The following USP34 variants were observed in gnomAD, a reference collection of about 807,000 sequenced individuals.
USP34 encodes the protein ubiquitin specific peptidase 34.
In USP34, 70 loss-of-function variants were observed where a neutral mutation model predicts 460.3. That is an observed-to-expected ratio of 0.15 (90% CI 0.13 to 0.19). USP34 has a LOEUF of 0.19. Ranked by LOEUF, USP34 falls within the 10% of genes least tolerant of loss-of-function variation. The pLI is 1.00. For missense variants in USP34, 3,985 were observed against 4,236.2 expected (o/e 0.94, Z 1.65); for synonymous variants, 1,647 against 1,405.3 (o/e 1.17, Z -3.85).
At chr2:61,360,419 A>G (rs1345811225) in intron 10 of USP34, among the ~76,000 whole-genome samples, 3 of 152,204 alleles carry the variant, frequency 2.0e-5, no homozygotes, top group Non-Finnish European at 4.4e-5. Context: ...CTGAAAACGC[A>G]ATTAAGAAAA....
Position 61,256,389 on chromosome 2 carries a change from T to A in USP34, c.6216A>T (p.Glu2072Asp), listed in dbSNP as rs773114270. 1.7e-5 allele frequency: 28 copies of A among 1,611,316 alleles called. No individual in the cohort carries two copies. The highest frequency in any genetic ancestry group is 2.4e-5 in the Non-Finnish European group (28 of 1,178,400). ...TCACATTTGAAAAAGCATACCTTTTTTCAGCTCGTACTTTCTTCCCACAAT... is the reference window on the plus strand; with the variant it reads ...TCACATTTGAAAAAGCATACCTTTTATCAGCTCGTACTTTCTTCCCACAAT... ...CSHCGKKVRA[E>D]KRACFKKLPR... The change falls in exon 48 of 80, where the codon GAA becomes GAT. Residue 2072 changes from glutamate (E) to aspartate (D), a missense_variant. By Grantham distance (45) the Glu-to-Asp change is conservative. This residue lies in a region of USP34 where 145 missense variants were observed against 291.6 expected (regional missense o/e 0.50). Coordinates refer to ENST00000398571, the MANE Select transcript of USP34 (RefSeq NM_014709.4).
chr2:61,277,968 C>T (rs971422008), intron 41 of USP34, 197 bp downstream of exon 41: 30 of 644,026 alleles, frequency 4.7e-5, no homozygotes, highest in Non-Finnish European at 7.0e-5. Context: ...CGGACTTGCC[C>T]GGACTTGCCT....
chr2:61,375,768 CAAAAA>C (rs56304309), intron 8 of USP34, among the ~76,000 whole-genome samples: 39 of 80,872 alleles, frequency 4.8e-4, no homozygotes, highest in Middle Eastern at 8.1e-3. Flanking sequence ...GACTCTGTCT[CAAAAA>C]AAAAAAAAAA....
At chr2:61,344,232 C>A (rs1691692555) in intron 15 of USP34, among the ~76,000 whole-genome samples, 2 of 152,134 alleles carry the variant, frequency 1.3e-5, no homozygotes, top group South Asian at 4.1e-4. Flanking sequence ...AATATACAGT[C>A]ATATTACCAG....
intron 1 of USP34, among the ~76,000 whole-genome samples, chr2:61,433,897 C>T (rs1192764834): frequency 6.6e-6 from 1 of 152,168 alleles, no homozygotes; most frequent in Non-Finnish European, 1.5e-5. Flanking sequence ...CTTCATTACA[C>T]CAAGGCCACA....
At chr2:61,257,016 G>A (rs372719067) in intron 46 of USP34, 36 bp downstream of exon 46, 2 of 1,446,190 alleles carry the variant, frequency 1.4e-6, no homozygotes, top group East Asian at 2.4e-5. Flanking sequence ...AATATATTAA[G>A]ATCTCCAAAA....
At chr2:61,255,348 T>G (rs1484380552) in intron 48 of USP34, among the ~76,000 whole-genome samples, 6 of 152,218 alleles carry the variant, frequency 3.9e-5, no homozygotes, top group Non-Finnish European at 1.5e-5. Flanking sequence ...ACCTCTATTC[T>G]AGACCTCTCA....
intron 30 of USP34, among the ~76,000 whole-genome samples, chr2:61,295,516 C>T (rs1689997387): frequency 6.6e-6 from 1 of 152,038 alleles, no homozygotes; most frequent in East Asian, 1.9e-4. Flanking sequence ...CATATACAAA[C>T]AGCAGCATGG....
At chr2:61,193,072 T>G in intron 75 of USP34, 92 bp from the exon 76 acceptor site, 1 of 937,112 alleles carries the variant, frequency 1.1e-6, no homozygotes, top group Non-Finnish European at 1.6e-6. Flanking sequence ...CAGCTATTTC[T>G]AGTCATAACT....
intron 27 of USP34, among the ~76,000 whole-genome samples, chr2:61,307,250 G>C (rs1456576341): frequency 6.7e-6 from 1 of 148,558 alleles, no homozygotes; most frequent in African/African-American, 2.5e-5. Context: ...TCACTCATAG[G>C]TGGGAATTGA....
Position 61,347,828 on chromosome 2 carries a change from A to G in USP34, c.2285+42T>C. 4.4e-6 allele frequency: 7 copies of G among 1,593,652 alleles called. No homozygotes were observed. In the East Asian group the frequency reaches 1.6e-4, roughly 36 times the overall value. On this transcript the variant is annotated intron_variant, in intron 15 of 79. Transcript: ENST00000398571. Reference sequence around the variant, plus strand: ...TGAATATAGGATATAATACTTCCCTAAAGGAAATATGAACTGAATATTTAT... The same window carrying G: ...TGAATATAGGATATAATACTTCCCTGAAGGAAATATGAACTGAATATTTAT...
intron 62 of USP34, among the ~76,000 whole-genome samples, chr2:61,225,459 T>C (rs1489626430): frequency 6.6e-6 from 1 of 152,138 alleles, no homozygotes; most frequent in Non-Finnish European, 1.5e-5. Flanking sequence ...TTTTGATTTT[T>C]AGAGATTACT....
intron 43 of USP34, among the ~76,000 whole-genome samples, chr2:61,264,142 C>T (rs943600917): frequency 6.6e-6 from 1 of 152,126 alleles, no homozygotes; most frequent in African/African-American, 2.4e-5. Flanking sequence ...GCTAAATGAA[C>T]TAATCATTCA....
chr2:61,370,664 A>T, intron 8 of USP34, 85 bp from the exon 9 acceptor site: 19 of 1,206,084 alleles, frequency 1.6e-5, no homozygotes, highest in Non-Finnish European at 2.2e-5. Context: ...TGAAAACCTA[A>T]ATTTGTTCCT....
chr2:61,347,416 C>T (rs898198244), intron 15 of USP34, among the ~76,000 whole-genome samples: 1 of 152,046 alleles, frequency 6.6e-6, no homozygotes, highest in East Asian at 1.9e-4. Flanking sequence ...CTCTGTTGCC[C>T]AGGATGGAGT....
At chr2:61,209,243 C>T (rs1317233818) in intron 69 of USP34, among the ~76,000 whole-genome samples, 1 of 152,150 alleles carries the variant, frequency 6.6e-6, no homozygotes. Context: ...AAAGTTTCCA[C>T]ATAAACAATG....
chr2:61,321,182 C>CA (rs921836408), intron 21 of USP34, among the ~76,000 whole-genome samples: 4 of 148,726 alleles, frequency 2.7e-5, no homozygotes, highest in Middle Eastern at 3.5e-3. Context: ...AAAAAAAAAA[C>CA]AAAAAAATGG....
intron 1 of USP34, among the ~76,000 whole-genome samples, chr2:61,467,043 C>T (rs972402416): frequency 6.6e-5 from 10 of 152,048 alleles, no homozygotes; most frequent in East Asian, 3.9e-4. Context: ...CGGTGGCTCA[C>T]GCCTGTAATC....
chr2:61,322,620 T>C (rs960445585), intron 21 of USP34, among the ~76,000 whole-genome samples: 3 of 152,182 alleles, frequency 2.0e-5, no homozygotes, highest in East Asian at 1.9e-4. Flanking sequence ...ATTTCTTTTA[T>C]TGGGAAAAGT....
Sources: allele counts gnomAD v4.1 joint callset (sites outside exome capture counted in the v4.1 genomes callset), GRCh38; gene constraint gnomAD v4.1.1; regional missense constraint gnomAD v4.1.1; transcripts MANE v1.5; gene names NCBI Gene and HGNC (gene_info 2026-07-23, HGNC 2026-07-21).